SHROOM3: variants seen among roughly 807,000 people sequenced by gnomAD.
SHROOM3 encodes the protein shroom family member 3.
SHROOM3 carries 47 observed loss-of-function variants against 138.6 expected under a neutral mutation model. The observed-to-expected ratio is 0.34, with a 90% CI of 0.27 to 0.43. SHROOM3 has a LOEUF of 0.43. Ranked by LOEUF, SHROOM3 falls within the 20% of genes least tolerant of loss-of-function variation. SHROOM3 has a pLI of 1.00. For missense variants in SHROOM3, 2,491 were observed against 2,596.5 expected (o/e 0.96, Z 0.88); for synonymous variants, 1,062 against 1,063.3 (o/e 1.00, Z 0.02).
intron 1 of SHROOM3, among the ~76,000 whole-genome samples, chr4:76,484,038 T>C (rs1731675728): frequency 6.6e-6 from 1 of 152,124 alleles, no homozygotes; most frequent in African/African-American, 2.4e-5. Context: ...AAATACCTAA[T>C]GTAGATTGAC....
chr4:76,452,313 CA>C (rs1449516650), intron 1 of SHROOM3, among the ~76,000 whole-genome samples: 2 of 152,110 alleles, frequency 1.3e-5, no homozygotes, highest in Admixed American at 1.3e-4. Context: ...TACTTATCAC[CA>C]CCATCCACCT....
rs796835222 is a variant in SHROOM3, at chr4:76,635,762, G to A, written c.324-74394G>A. Reference sequence around the variant, plus strand: ...AATCTTAGGTGCTCAGAGAAACTCCGTAGTTCCTTCACCATAGGAGCCACT... The same window carrying A: ...AATCTTAGGTGCTCAGAGAAACTCCATAGTTCCTTCACCATAGGAGCCACT... On this transcript the variant is annotated intron_variant, in intron 2 of 10. Transcript: ENST00000296043. Among the ~76,000 whole-genome samples the A allele has an allele frequency of 4.6e-5, 7 of 152,272 alleles. 1 individual carries two copies. Among genetic ancestry groups the A allele is most frequent in the African/African-American group, 1.7e-4 (7 of 41,552 alleles).
At chr4:76,518,109 TTGTGTGTGTGTA>T (rs1732480609) in intron 1 of SHROOM3, among the ~76,000 whole-genome samples, 1 of 152,024 alleles carries the variant, frequency 6.6e-6, no homozygotes, top group Non-Finnish European at 1.5e-5. Context: ...ATTATTTTGG[TTGTGTGTGTGTA>T]TGTGTGTGTG....
intron 1 of SHROOM3, among the ~76,000 whole-genome samples, chr4:76,483,719 A>C (rs936175254): frequency 6.6e-6 from 1 of 152,230 alleles, no homozygotes; most frequent in Non-Finnish European, 1.5e-5. Flanking sequence ...CACTATTCAC[A>C]ATAGCAAAGA....
intron 2 of SHROOM3, among the ~76,000 whole-genome samples, chr4:76,558,893 T>C (rs1733542220): frequency 6.6e-6 from 1 of 152,168 alleles, no homozygotes; most frequent in African/African-American, 2.4e-5. Context: ...ATCTTCCTAA[T>C]AGGGGCTTGG....
rs547716511 is a variant in SHROOM3 at position 76,554,747 on chromosome 4, GT to G, written c.169-861del. Among the ~76,000 whole-genome samples the G allele has an allele frequency of 9.9e-4, 151 of 152,100 alleles. 1 individual carries two copies. The highest frequency in any genetic ancestry group is 6.8e-3 in the Middle Eastern group (2 of 294). On this transcript the variant is annotated intron_variant, in intron 1 of 10. Transcript: ENST00000296043. ...AGGAACTCAACTTCTAATGTAACCC[GT>G]CCCCAACCCCCAGGCCACGGACCAT... is the stretch of plus-strand genomic sequence containing the variant.
intron 2 of SHROOM3, among the ~76,000 whole-genome samples, chr4:76,598,860 A>G (rs1453507094): frequency 6.6e-6 from 1 of 152,234 alleles, no homozygotes; most frequent in Admixed American, 6.5e-5. Context: ...ACTTGTGCTT[A>G]CGAAAGACCA....
chr4:76,598,770 T>C (rs963715169), intron 2 of SHROOM3, among the ~76,000 whole-genome samples: 2 of 152,218 alleles, frequency 1.3e-5, no homozygotes, highest in African/African-American at 4.8e-5. Flanking sequence ...TATGTGAGGA[T>C]GCTCATGAGT....
At chr4:76,762,963 G>A (rs1358181249) in intron 9 of SHROOM3, among the ~76,000 whole-genome samples, 1 of 152,110 alleles carries the variant, frequency 6.6e-6, no homozygotes, top group African/African-American at 2.4e-5. Context: ...AGGAGCATTC[G>A]AGACAAAAGG....
At chr4:76,441,556 G>A (rs973720108) in intron 1 of SHROOM3, among the ~76,000 whole-genome samples, 12 of 152,012 alleles carry the variant, frequency 7.9e-5, no homozygotes, top group Non-Finnish European at 1.6e-4. Context: ...TCCCTTTCTT[G>A]CTTTTTCCTT....
intron 2 of SHROOM3, among the ~76,000 whole-genome samples, chr4:76,564,802 CA>C (rs902812896): frequency 6.6e-6 from 1 of 152,090 alleles, no homozygotes; most frequent in African/African-American, 2.4e-5. Flanking sequence ...TTACTTCAGA[CA>C]AATGTATTCC....
At chr4:76,748,964 A>AATTT in intron 5 of SHROOM3, 53 bp from the exon 6 acceptor site, 2 of 1,579,528 alleles carry the variant, frequency 1.3e-6, no homozygotes, top group Non-Finnish European at 1.7e-6. Flanking sequence ...CCTCTTGGTA[A>AATTT]ATTTAAACAC....
intron 2 of SHROOM3, among the ~76,000 whole-genome samples, chr4:76,651,401 A>AT (rs1735955382): frequency 2.8e-4 from 24 of 86,760 alleles, no homozygotes; most frequent in South Asian, 7.2e-4. Flanking sequence ...GTAACCCATA[A>AT]ATATATATAT....
intron 2 of SHROOM3, among the ~76,000 whole-genome samples, chr4:76,596,540 G>C (rs1734388553): frequency 6.6e-6 from 1 of 151,282 alleles, no homozygotes; most frequent in Admixed American, 6.6e-5. Context: ...AGCAATGCAT[G>C]ACTGTGTCTA....
chr4:76,728,546 G>A (rs1474642657), intron 3 of SHROOM3, among the ~76,000 whole-genome samples: 1 of 152,170 alleles, frequency 6.6e-6, no homozygotes, highest in East Asian at 1.9e-4. Flanking sequence ...TCTCAGGTAT[G>A]TCTTTATCAG....
At chr4:76,721,366 G>A (rs547794284) in intron 3 of SHROOM3, among the ~76,000 whole-genome samples, 135 of 152,256 alleles carry the variant, frequency 8.9e-4, no homozygotes, top group African/African-American at 3.2e-3. Flanking sequence ...AACACTATGT[G>A]GACATGGTTA....
At chr4:76,628,709 C>A (rs1393931750) in intron 2 of SHROOM3, among the ~76,000 whole-genome samples, 1 of 151,814 alleles carries the variant, frequency 6.6e-6, no homozygotes, top group African/African-American at 2.4e-5. Context: ...TCTATAACTA[C>A]TTTATAAAGA....
At chr4:76,619,713 A>T (rs1434971754) in intron 2 of SHROOM3, among the ~76,000 whole-genome samples, 1 of 152,154 alleles carries the variant, frequency 6.6e-6, no homozygotes, top group Non-Finnish European at 1.5e-5. Flanking sequence ...GAATTAGGGG[A>T]TTGTAGTAGA....
intron 1 of SHROOM3, among the ~76,000 whole-genome samples, chr4:76,485,419 T>A (rs1731708741): frequency 6.6e-6 from 1 of 152,216 alleles, no homozygotes; most frequent in Non-Finnish European, 1.5e-5. Flanking sequence ...ATTTTAGAAA[T>A]AAATATTTAG....
Sources: gnomAD v4.1 joint callset for allele counts (sites outside exome capture counted in the v4.1 genomes callset) on GRCh38, gnomAD v4.1.1 for gene constraint, MANE v1.5 for transcripts, NCBI Gene and HGNC (gene_info 2026-07-23, HGNC 2026-07-21) for gene names.